Variants in CABIN1 observed in about 807,000 individuals in gnomAD.
The protein encoded by CABIN1 is calcineurin-binding protein cabin-1.
Under a neutral mutation model 227.7 loss-of-function variants are expected in CABIN1, and 133 were observed. The observed-to-expected ratio is 0.58, with a 90% confidence interval of 0.51 to 0.67. CABIN1 has a LOEUF of 0.67. CABIN1 is among the 30% of genes least tolerant of loss of function. CABIN1 has a pLI of 0.00. For missense variants in CABIN1, 2,408 were observed against 2,852.5 expected (o/e 0.84, Z 3.55); for synonymous variants, 1,086 against 1,155.1 (o/e 0.94, Z 1.21).
chr22:24,055,253 G>C, intron 9 of CABIN1, 94 bp downstream of exon 9: 3 of 1,405,830 alleles, frequency 2.1e-6, no homozygotes, highest in Non-Finnish European at 2.9e-6. Flanking sequence ...TCCCTAGACA[G>C]AAGGGTCATG....
chr22:24,037,259 CAAAAAAAA>C (rs71184942), intron 3 of CABIN1, among the ~76,000 whole-genome samples: 53 of 52,626 alleles, frequency 1.0e-3, no homozygotes, highest in African/African-American at 3.5e-3. Flanking sequence ...GACCCCGTCT[CAAAAAAAA>C]AAAAAAAAAA....
intron 34 of CABIN1, among the ~76,000 whole-genome samples, chr22:24,173,896 G>A (rs1045027268): frequency 6.6e-6 from 1 of 151,920 alleles, no homozygotes; most frequent in Non-Finnish European, 1.5e-5. Context: ...TCTTCTTTCT[G>A]CCTCAGTTTC....
chr22:24,163,775 G>C (rs1457164939), intron 29 of CABIN1, among the ~76,000 whole-genome samples: 1 of 152,236 alleles, frequency 6.6e-6, no homozygotes, highest in African/African-American at 2.4e-5. Context: ...GGTGCCCAGT[G>C]CTGCAGCAGG....
intron 3 of CABIN1, among the ~76,000 whole-genome samples, chr22:24,037,233 C>T (rs1196583633): frequency 6.9e-6 from 1 of 144,570 alleles, no homozygotes; most frequent in African/African-American, 2.6e-5. Flanking sequence ...GCACTCCAGC[C>T]TGGGCGACAG....
intron 6 of CABIN1, among the ~76,000 whole-genome samples, chr22:24,045,401 C>G (rs1028546806): frequency 6.6e-6 from 1 of 152,040 alleles, no homozygotes. Context: ...ATCGCTTGAG[C>G]CCAGAAGTTC....
At chr22:24,129,592 G>C (rs1199347891) in intron 28 of CABIN1, among the ~76,000 whole-genome samples, 1 of 152,210 alleles carries the variant, frequency 6.6e-6, no homozygotes, top group East Asian at 1.9e-4. Context: ...CCTTTTCTGT[G>C]AGCTTCAAAC....
At chr22:24,157,971 C>T (rs892348106) in intron 29 of CABIN1, among the ~76,000 whole-genome samples, 1 of 152,194 alleles carries the variant, frequency 6.6e-6, no homozygotes, top group African/African-American at 2.4e-5. Flanking sequence ...GCAGTCTGCT[C>T]CTACACCCTG....
intron 28 of CABIN1, among the ~76,000 whole-genome samples, chr22:24,123,878 G>T (rs2043563043): frequency 6.6e-6 from 1 of 152,244 alleles, no homozygotes; most frequent in African/African-American, 2.4e-5. Flanking sequence ...CTCACTGGTG[G>T]ACTGGAGCAT....
At chr22:24,038,796 T>C (rs1437615117) in intron 4 of CABIN1, among the ~76,000 whole-genome samples, 2 of 152,228 alleles carry the variant, frequency 1.3e-5, no homozygotes, top group Non-Finnish European at 2.9e-5. Flanking sequence ...TCTTGATGGC[T>C]CAAAGCCATC....
intron 27 of CABIN1, among the ~76,000 whole-genome samples, chr22:24,117,020 G>A (rs1407889358): frequency 6.6e-6 from 1 of 152,210 alleles, no homozygotes; most frequent in African/African-American, 2.4e-5. Context: ...GGACATCCTG[G>A]CCGGGAAACG....
At chr22:24,134,490 C>A (rs1313560222) in intron 29 of CABIN1, 75 bp downstream of exon 29, 6 of 1,280,718 alleles carry the variant, frequency 4.7e-6, no homozygotes, top group Middle Eastern at 1.8e-4. Flanking sequence ...TGAATTGACC[C>A]CCTAGGTGGG....
At chr22:24,048,191 A>T (rs1171168831) in intron 6 of CABIN1, among the ~76,000 whole-genome samples, 2 of 152,074 alleles carry the variant, frequency 1.3e-5, no homozygotes, top group Non-Finnish European at 2.9e-5. Context: ...AAAAAGGAGG[A>T]AAATTGGAAA....
chr22:24,043,201 C>A, intron 6 of CABIN1, 117 bp downstream of exon 6: 2 of 791,844 alleles, frequency 2.5e-6, no homozygotes, highest in Non-Finnish European at 4.2e-6. Context: ...GCCAGACTGT[C>A]AGGGAGAATG....
At chr22:24,066,874 A>G (rs2039720269) in intron 15 of CABIN1, 113 bp from the exon 16 acceptor site, 1 of 979,680 alleles carries the variant, frequency 1.0e-6, no homozygotes, top group South Asian at 1.4e-5. Flanking sequence ...GCTGGAACAT[A>G]GTCTAATTTT....
At chr22:24,112,143 T>C (rs1385805120) in intron 26 of CABIN1, among the ~76,000 whole-genome samples, 2 of 152,200 alleles carry the variant, frequency 1.3e-5, no homozygotes, top group Non-Finnish European at 2.9e-5. Flanking sequence ...GACGATGTAC[T>C]TTTTTCTTTC....
Position 24,166,903 on chromosome 22 carries a change from A to G in CABIN1, c.5272A>G (p.Thr1758Ala). Residue 1758 changes from threonine to alanine, a missense_variant, in exon 32 of 37, where the codon ACT (threonine) becomes GCT (alanine). By Grantham distance (58) the Thr-to-Ala change is moderately conservative. This residue lies in a region of CABIN1 where 714 missense variants were observed against 773.8 expected (regional missense o/e 0.92). Transcript: ENST00000263119. The part of the protein sequence containing the change: ...KDKESPRAGP[T>A]EPMDTSEATV... ...TAAAGAGAGCCCACGGGCAGGGCCC[A>G]CTGAGCCCATGGACACGAGTGAGGC... 6.2e-7 allele frequency: 1 copy of G among 1,608,618 alleles called. No homozygotes were observed. The highest frequency in any genetic ancestry group is 8.5e-7 in the Non-Finnish European group (1 of 1,178,016).
In CABIN1 at chr22:24,166,807, G is replaced by A; in HGVS notation, c.5176G>A (p.Gly1726Ser). 6.8e-6 allele frequency: 11 copies of A among 1,613,042 alleles called. No individual in the cohort carries two copies. Among genetic ancestry groups the A allele is most frequent in the Non-Finnish European group, 9.3e-6 (11 of 1,179,982 alleles). Residue 1726 changes from glycine (G) to serine (S), a missense_variant, in exon 32 of 37, where the codon GGC becomes AGC. Transcript: ENST00000263119. ...AGGGCCCGAGCCAGGAGGCAAAGTG[G>A]GCCTCCTCAACCACCGGCCTGTGGC... ...GPGPEPGGKV[G>S]LLNHRPVAMD... is the part of the protein sequence containing the mutation.
At chr22:24,027,651 AT>A (rs1475181528) in intron 1 of CABIN1, among the ~76,000 whole-genome samples, 1 of 152,234 alleles carries the variant, frequency 6.6e-6, no homozygotes, top group East Asian at 1.9e-4. Context: ...TATTATGGGA[AT>A]AGGTTCATTA....
intron 26 of CABIN1, among the ~76,000 whole-genome samples, chr22:24,111,019 C>G (rs1331208588): frequency 2.0e-5 from 3 of 152,116 alleles, no homozygotes; most frequent in Non-Finnish European, 4.4e-5. Flanking sequence ...CCCTCATCTC[C>G]TTTTGTGACT....
Sources: allele counts gnomAD v4.1 joint callset (sites outside exome capture counted in the v4.1 genomes callset), GRCh38; gene constraint gnomAD v4.1.1; regional missense constraint gnomAD v4.1.1; transcripts MANE v1.5; gene names NCBI Gene and HGNC (gene_info 2026-07-23, HGNC 2026-07-21).